SLA: variants seen among roughly 807,000 people sequenced by gnomAD.
The protein encoded by SLA is src-like-adapter.
A neutral mutation model predicts 30.3 loss-of-function variants in SLA; 16 were observed. The ratio of observed to expected loss-of-function variants is 0.53; its 90% CI spans 0.36 to 0.80. SLA has a LOEUF of 0.80. Among genes scored for constraint, SLA ranks in the 30% least tolerant of loss-of-function variants. SLA has a pLI of 0.01. For missense variants in SLA, 310 were observed against 345.2 expected, an observed-to-expected ratio of 0.90 and a Z score of 0.81; for synonymous variants, 143 against 137.8, an observed-to-expected ratio of 1.04 and a Z score of -0.26.
intron 8 of SLA, among the ~76,000 whole-genome samples, chr8:133,039,547 A>G (rs1837757206): frequency 6.6e-6 from 1 of 152,212 alleles, no homozygotes; most frequent in African/African-American, 2.4e-5. Context: ...AATAAACAGA[A>G]CAAATCCATG....
chr8:133,095,053 G>C, intron 1 of SLA: 1 of 1,613,598 alleles, frequency 6.2e-7, no homozygotes, highest in Non-Finnish European at 8.5e-7. Flanking sequence ...GGGAGGCTCC[G>C]CACTCTCCCC....
intron 1 of SLA, chr8:133,076,807 T>C (rs900418706): frequency 4.0e-5 from 6 of 149,208 alleles, no homozygotes; most frequent in East Asian, 2.0e-4. Flanking sequence ...CCCTTCCCTG[T>C]ACTTAACTTA....
At chr8:133,050,952 G>T (rs1189183036) in intron 3 of SLA, 37 bp from the exon 4 acceptor site, 28 of 1,263,926 alleles carry the variant, frequency 2.2e-5, no homozygotes, top group Non-Finnish European at 2.8e-5. Flanking sequence ...GGGGCAAGGT[G>T]CTTTTTATTC....
At chr8:133,050,208 C>T in intron 4 of SLA, 1 of 557,064 alleles carries the variant, frequency 1.8e-6, no homozygotes, top group East Asian at 2.9e-5. Flanking sequence ...ACTGGTAAAC[C>T]CTCCCATGTG....
rs140092382 is a variant in SLA at position 133,050,388 on chromosome 8, T to A, written c.162-400A>T. The A allele has an allele frequency of 1.9e-3, 549 of 282,370 alleles. 4 individuals carry two copies. The highest frequency in any genetic ancestry group is 0.011 in the African/African-American group (496 of 46,516). 17.5% of individuals were successfully genotyped at this position (282,370 alleles called of 1,614,324 possible). On this transcript the variant is annotated intron_variant, in intron 4 of 8. Coordinates refer to ENST00000338087, the MANE Select transcript of SLA (RefSeq NM_001045556.3). ...TAAAAGGGGCTTAGAACTTCTGTCA[T>A]GTTCTATAGCCCATATTGAATCAGA...
At chr8:133,084,073 G>A (rs1846137927) in intron 1 of SLA, among the ~76,000 whole-genome samples, 1 of 152,186 alleles carries the variant, frequency 6.6e-6, no homozygotes, top group Non-Finnish European at 1.5e-5. Context: ...CTTTCTGCAT[G>A]CATTGTGTTT....
rs183707198 is a variant in SLA at position 133,070,466 on chromosome 8, G to A, written c.-41+4387C>T. The stretch of plus-strand genomic sequence containing the variant: ...TTTAAAATACACGGACTCATTTGAT[G>A]CCCCCAAGAACATACTGTTTTATAG... On this transcript the variant is annotated intron_variant, in intron 2 of 8. Transcript: ENST00000338087. Among the ~76,000 whole-genome samples the A allele has an allele frequency of 3.3e-3, 506 of 152,298 alleles. 3 individuals carry two copies. Among genetic ancestry groups the A allele is most frequent in the African/African-American group, 0.012 (482 of 41,560 alleles).
intron 1 of SLA, among the ~76,000 whole-genome samples, chr8:133,091,596 G>A (rs1468769528): frequency 6.6e-6 from 1 of 152,098 alleles, no homozygotes; most frequent in Admixed American, 6.5e-5. Context: ...GTGTCTGAGT[G>A]TGTGAGTCTA....
At chr8:133,098,748 T>G (rs1394292797) in intron 1 of SLA, among the ~76,000 whole-genome samples, 1 of 152,152 alleles carries the variant, frequency 6.6e-6, no homozygotes, top group East Asian at 1.9e-4. Context: ...ATGCCATCCA[T>G]CAGGGAGGGT....
intron 1 of SLA, among the ~76,000 whole-genome samples, chr8:133,102,104 AT>A (rs1242678355): frequency 2.0e-5 from 3 of 152,330 alleles, no homozygotes; most frequent in Admixed American, 6.5e-5. Context: ...TTTTCCCTTA[AT>A]TTTTTAATTT....
intron 1 of SLA, 120 bp downstream of exon 1, chr8:133,102,433 A>G: frequency 1.1e-6 from 1 of 873,194 alleles, no homozygotes; most frequent in South Asian, 1.5e-5. Flanking sequence ...TCTTCAGACC[A>G]AAGACGGAGG....
chr8:133,071,135 C>T (rs1843945508), intron 2 of SLA, among the ~76,000 whole-genome samples: 2 of 152,272 alleles, frequency 1.3e-5, no homozygotes, highest in African/African-American at 4.8e-5. Context: ...GATGAGGCTT[C>T]GTGTACAACA....
At chr8:133,079,497 G>A (rs143567396) in intron 1 of SLA, among the ~76,000 whole-genome samples, 1 of 152,176 alleles carries the variant, frequency 6.6e-6, no homozygotes. Context: ...GGGTTTCCCA[G>A]GGGAAGCAAT....
At chr8:133,053,869 C>T (rs577799137) in intron 3 of SLA, among the ~76,000 whole-genome samples, 66 of 152,302 alleles carry the variant, frequency 4.3e-4, no homozygotes, top group African/African-American at 2.4e-5. Context: ...GGCACTTAAA[C>T]ATCACTGAGG....
intron 1 of SLA, among the ~76,000 whole-genome samples, chr8:133,094,207 A>G (rs1471122765): frequency 6.7e-6 from 1 of 149,924 alleles, no homozygotes; most frequent in Non-Finnish European, 1.5e-5. Flanking sequence ...AGCTCCTACC[A>G]CTTTCATTAT....
At chr8:133,045,160 C>A (rs1237614464) in intron 6 of SLA, 45 bp from the exon 7 acceptor site, 2 of 1,608,014 alleles carry the variant, frequency 1.2e-6, no homozygotes, top group Admixed American at 1.7e-5. Flanking sequence ...CCTGTCCTCA[C>A]CCCAAGGCAC....
At chr8:133,102,389 G>T in intron 1 of SLA, 164 bp downstream of exon 1, 1 of 598,560 alleles carries the variant, frequency 1.7e-6, no homozygotes, top group Non-Finnish European at 3.0e-6. Flanking sequence ...CTGCCCCCTG[G>T]AGCTACTCAC....
At chr8:133,093,250 T>TATTGAC (rs1436831756) in intron 1 of SLA, among the ~76,000 whole-genome samples, 11 of 152,146 alleles carry the variant, frequency 7.2e-5, no homozygotes, top group Non-Finnish European at 1.3e-4. Context: ...GGCTAAATCA[T>TATTGAC]ATTGACGCTT....
intron 2 of SLA, chr8:133,063,532 C>T (rs966494760): frequency 6.6e-6 from 1 of 151,596 alleles, no homozygotes; most frequent in African/African-American, 2.4e-5. Flanking sequence ...TTTAAACTTG[C>T]ATTGTTGAGA....
Sources: allele counts gnomAD v4.1 joint callset (sites outside exome capture counted in the v4.1 genomes callset), GRCh38; gene constraint gnomAD v4.1.1; transcripts MANE v1.5; gene names NCBI Gene and HGNC (gene_info 2026-07-23, HGNC 2026-07-21).